Variants in SPTBN1 observed in about 807,000 individuals in gnomAD.
The protein encoded by SPTBN1 is spectrin beta chain, non-erythrocytic 1.
In SPTBN1, 32 loss-of-function variants were observed where a neutral mutation model predicts 266.4. That is an observed-to-expected ratio of 0.12 (90% confidence interval 0.09 to 0.16). The LOEUF is 0.16. Among genes scored for constraint, SPTBN1 ranks in the 10% least tolerant of loss-of-function variants. The probability of loss-of-function intolerance (pLI) is 1.00; values close to 1 mark genes in which losing one functional copy is unlikely to be tolerated. For missense variants in SPTBN1, 2,296 were observed against 3,067.1 expected (o/e 0.75, Z 5.94); for synonymous variants, 1,336 against 1,162.2 (o/e 1.15, Z -3.04).
Position 54,623,605 on chromosome 2 carries a change from G to A in SPTBN1, c.1182+9G>A, listed in dbSNP as rs1225178295. 6.2e-7 allele frequency: 1 copy of A among 1,609,260 alleles called. No homozygotes were observed. ...TCTCTGACATCAACAAGGTAAAGTGGATCTGGACTCTGCATGGGCCCTGAC... is the reference window on the plus strand; with the variant it reads ...TCTCTGACATCAACAAGGTAAAGTGAATCTGGACTCTGCATGGGCCCTGAC... On this transcript the variant is annotated intron_variant, in intron 10 of 35. Coordinates refer to ENST00000356805, the MANE Select transcript of SPTBN1 (RefSeq NM_003128.3).
chr2:54,625,784 T>C, intron 11 of SPTBN1, 148 bp from the exon 12 acceptor site: 1 of 829,852 alleles, frequency 1.2e-6, no homozygotes, highest in Non-Finnish European at 1.9e-6. Flanking sequence ...AGAGACAGGG[T>C]TTCACAATGT....
Position 54,663,781 on chromosome 2 carries a change from G to C in SPTBN1, c.6421-672G>C, listed in dbSNP as rs1452901697. 2.6e-5 allele frequency: 4 copies of C among 152,256 alleles called. No homozygotes were observed. In the East Asian group the frequency reaches 7.7e-4, roughly 29 times the overall value. 9.4% of individuals were successfully genotyped at this position (152,256 alleles called of 1,614,324 possible). A position where few individuals can be genotyped will look rare whatever the true frequency, so the allele number is the denominator to read the frequency against. On this transcript the variant is annotated intron_variant, in intron 32 of 35. Transcript: ENST00000356805. ...ACCCACTCACGATACAACTTCGGCAGATGTGGTCAAATTGATGTTTGTTGA... is the reference window on the plus strand; with the variant it reads ...ACCCACTCACGATACAACTTCGGCACATGTGGTCAAATTGATGTTTGTTGA...
rs1678618758 is a variant in SPTBN1 at position 54,629,882 on chromosome 2, G to T, written c.2670-10G>T. ...CAGGAGGTGACCACCCTGTCAAATTGCCATTTCAGATTTGAGAGCCTAGAA... is the reference window on the plus strand; with the variant it reads ...CAGGAGGTGACCACCCTGTCAAATTTCCATTTCAGATTTGAGAGCCTAGAA... On this transcript the variant is annotated splice_polypyrimidine_tract_variant and intron_variant, in intron 14 of 35. Transcript: ENST00000356805. 2 of 1,613,808 alleles carry T rather than the reference G, an allele frequency of 1.2e-6. No homozygotes were observed. Among genetic ancestry groups the T allele is most frequent in the African/African-American group, 1.3e-5 (1 of 74,940 alleles).
chr2:54,550,876 G>A (rs1383051631), intron 2 of SPTBN1, among the ~76,000 whole-genome samples: 2 of 152,188 alleles, frequency 1.3e-5, no homozygotes, highest in African/African-American at 4.8e-5. Context: ...ATGGGGCTGA[G>A]AACGTGTCAG....
At chr2:54,482,229 T>G (rs1431473190) in intron 1 of SPTBN1, among the ~76,000 whole-genome samples, 1 of 151,922 alleles carries the variant, frequency 6.6e-6, no homozygotes, top group Non-Finnish European at 1.5e-5. Context: ...AAAATGCAGG[T>G]GTCAGCCGGG....
chr2:54,496,728 C>T (rs927987721), intron 1 of SPTBN1, among the ~76,000 whole-genome samples: 1 of 152,168 alleles, frequency 6.6e-6, no homozygotes, highest in African/African-American at 2.4e-5. Flanking sequence ...CTTTGGAGAC[C>T]TGCAGTGATC....
intron 1 of SPTBN1, among the ~76,000 whole-genome samples, chr2:54,496,556 C>T (rs796598853): frequency 4.6e-5 from 7 of 151,590 alleles, no homozygotes; most frequent in African/African-American, 1.5e-4. Context: ...ATTTAGTCAT[C>T]AAAACAGTTC....
In SPTBN1 at chr2:54,629,154, A is replaced by G. The variant is rs1355773533; in HGVS notation, c.2020A>G (p.Met674Val). Residue 674 changes from methionine to valine, a missense_variant, in exon 14 of 36, where the codon ATG becomes GTG. Physicochemically the swap from Met to Val is conservative, Grantham distance 21. Transcript: ENST00000356805. ...DDYGKDLTSV[M>V]RLLSKHRAFE... Reference sequence around the variant, plus strand: ...TTACGGGAAAGACCTGACCAGCGTCATGCGCCTGCTCAGCAAGCACCGGGC... The same window carrying G: ...TTACGGGAAAGACCTGACCAGCGTCGTGCGCCTGCTCAGCAAGCACCGGGC... 1.9e-6 allele frequency: 3 copies of G among 1,613,510 alleles called. No homozygotes were observed. The highest frequency in any genetic ancestry group is 2.7e-5 in the African/African-American group (2 of 74,956).
chr2:54,612,221 C>G lies in SPTBN1; in HGVS notation c.361C>G (p.Gln121Glu). Residue 121 changes from glutamine to glutamate, a missense_variant, in exon 4 of 36, where the codon CAG becomes GAG. Around this residue, in one of 12 missense-constraint regions of SPTBN1, gnomAD observed 178 missense variants for 375.7 expected, o/e 0.47. Coordinates refer to ENST00000356805, the MANE Select transcript of SPTBN1 (RefSeq NM_003128.3). ...CTTAGAGAATGTGGACAAGGCCCTT[C>G]AGTTCCTGAAGGAGCAGAGAGTCCA... ...HCLENVDKAL[Q>E]FLKEQRVHLE... 1 of 1,614,002 alleles carries G rather than the reference C, an allele frequency of 6.2e-7. No homozygotes were observed. Among genetic ancestry groups the G allele is most frequent in the Non-Finnish European group, 8.5e-7 (1 of 1,179,896 alleles).
At chr2:54,572,355 T>C (rs1464662997) in intron 2 of SPTBN1, among the ~76,000 whole-genome samples, 9 of 152,214 alleles carry the variant, frequency 5.9e-5, no homozygotes, top group Admixed American at 4.6e-4. Context: ...TATCCATTCT[T>C]CTAGGTGTGG....
chr2:54,667,591 C>G lies in SPTBN1; in HGVS notation c.6834-13C>G. ...AATTAAGTGGTGACTAACTTTCTTC[C>G]TTGAAATTACAGACTAAATGATGGC... is the stretch of plus-strand genomic sequence containing the variant. On this transcript the variant is annotated splice_polypyrimidine_tract_variant and intron_variant, in intron 34 of 35. Transcript: ENST00000356805. 6.2e-7 allele frequency: 1 copy of G among 1,613,308 alleles called. No homozygotes were observed. The highest frequency in any genetic ancestry group is 8.5e-7 in the Non-Finnish European group (1 of 1,179,372).
chr2:54,629,946 G>A lies in SPTBN1; in HGVS notation c.2724G>A (p.Val908=), dbSNP rs776800946. 30 of 1,614,124 alleles carry A rather than the reference G, an allele frequency of 1.9e-5. No individual in the cohort carries two copies. The South Asian group carries it at 2.7e-4, about 15-fold the overall frequency. The change falls in exon 15 of 36, where the codon GTG becomes GTA. Residue 908 remains valine (V), a synonymous_variant. Coordinates refer to ENST00000356805, the MANE Select transcript of SPTBN1 (RefSeq NM_003128.3). ...ACCAGGCTTCCCGGGTTGCAGTGGT[G>A]AACCAGATTGCACGCCAGCTGATGC... is the stretch of plus-strand genomic sequence containing the variant. ...MNNQASRVAV[V]NQIARQLMHS...
At chr2:54,650,592 C>T (rs960486217) in intron 26 of SPTBN1, among the ~76,000 whole-genome samples, 2 of 152,116 alleles carry the variant, frequency 1.3e-5, no homozygotes, top group Non-Finnish European at 2.9e-5. Flanking sequence ...TTTCATGGCC[C>T]TAGAGAAGAA....
At chr2:54,661,047 G>C (rs1681008227) in intron 32 of SPTBN1, 1 of 985,270 alleles carries the variant, frequency 1.0e-6, no homozygotes, top group Admixed American at 6.2e-5. Context: ...GCGCTCGCAT[G>C]CCCCCTGGCT....
At chr2:54,595,225 A>T (rs945338750) in intron 2 of SPTBN1, among the ~76,000 whole-genome samples, 20 of 152,198 alleles carry the variant, frequency 1.3e-4, no homozygotes, top group African/African-American at 4.8e-4. Flanking sequence ...GGGCACTTTG[A>T]TGTGCACTTT....
intron 2 of SPTBN1, among the ~76,000 whole-genome samples, chr2:54,550,693 C>T (rs1672517420): frequency 6.6e-6 from 1 of 152,218 alleles, no homozygotes; most frequent in Admixed American, 6.5e-5. Context: ...CTTACTGTAA[C>T]TATCAATAGC....
chr2:54,630,191 T>C (rs542632296), intron 15 of SPTBN1, among the ~76,000 whole-genome samples, 162 bp downstream of exon 15: 1 of 152,188 alleles, frequency 6.6e-6, no homozygotes, highest in Non-Finnish European at 1.5e-5. Flanking sequence ...GTCCTTGTTT[T>C]GTAAGAAGTG....
intron 3 of SPTBN1, among the ~76,000 whole-genome samples, chr2:54,610,123 C>T (rs920605065): frequency 7.1e-6 from 1 of 141,804 alleles, no homozygotes; most frequent in African/African-American, 2.7e-5. Context: ...CATCTGCTGC[C>T]TCTTGGTCAG....
intron 1 of SPTBN1, among the ~76,000 whole-genome samples, chr2:54,509,993 C>G (rs565822262): frequency 1.5e-4 from 22 of 147,468 alleles, no homozygotes; most frequent in African/African-American, 4.8e-4. Flanking sequence ...GGGTCTCACT[C>G]TGTCACCCAG....
Sources: gnomAD v4.1 joint callset for allele counts (sites outside exome capture counted in the v4.1 genomes callset) on GRCh38, gnomAD v4.1.1 for gene constraint, gnomAD v4.1.1 regional missense constraint, MANE v1.5 for transcripts, NCBI Gene and HGNC (gene_info 2026-07-23, HGNC 2026-07-21) for gene names.